Variants in SIPA1L3 observed in about 807,000 individuals in gnomAD.
SIPA1L3 encodes the protein signal induced proliferation associated 1 like 3, also known as signal-induced proliferation-associated 1-like protein 3.
A neutral mutation model predicts 150.1 loss-of-function variants in SIPA1L3; 59 were observed. The observed-to-expected ratio is 0.39, with a 90% CI of 0.32 to 0.49. The LOEUF (loss-of-function observed/expected upper bound fraction) is 0.49, where lower values mean the gene tolerates loss of function less well. Ranked by LOEUF, SIPA1L3 falls within the 20% of genes least tolerant of loss-of-function variation. The pLI, the probability that SIPA1L3 is intolerant of heterozygous loss-of-function variation, is 0.86. For missense variants in SIPA1L3, 2,211 were observed against 2,489.5 expected (o/e 0.89, Z 2.38); for synonymous variants, 1,070 against 1,077.6 (o/e 0.99, Z 0.14).
intron 4 of SIPA1L3, among the ~76,000 whole-genome samples, chr19:38,093,600 G>A (rs1216535947): frequency 4.6e-5 from 7 of 152,184 alleles, no homozygotes; most frequent in Admixed American, 2.0e-4. Context: ...TTGAGCTCAC[G>A]GATGGGGTTC....
chr19:38,028,768 T>C (rs151173599), intron 1 of SIPA1L3, among the ~76,000 whole-genome samples: 1,626 of 151,130 alleles, frequency 0.011, 30 homozygotes, highest in African/African-American at 0.038. Context: ...TCTTGGCTCA[T>C]TGCAACCTCC....
At chr19:38,028,411 C>G (rs954176796) in intron 1 of SIPA1L3, among the ~76,000 whole-genome samples, 1 of 152,142 alleles carries the variant, frequency 6.6e-6, no homozygotes, top group Non-Finnish European at 1.5e-5. Context: ...CTGGAAGGCT[C>G]TTTCCCAGGT....
At chr19:38,080,545 A>G (rs986282778) in intron 2 of SIPA1L3, among the ~76,000 whole-genome samples, 6 of 152,230 alleles carry the variant, frequency 3.9e-5, no homozygotes, top group Non-Finnish European at 5.9e-5. Context: ...GGGAAATGTA[A>G]TGCAGGCAGG....
chr19:38,184,172 C>T (rs937569351), intron 16 of SIPA1L3, among the ~76,000 whole-genome samples: 19 of 151,960 alleles, frequency 1.3e-4, no homozygotes. Context: ...ACCTGTCCTC[C>T]CCCCACCCCA....
intron 2 of SIPA1L3, among the ~76,000 whole-genome samples, chr19:38,078,174 T>C (rs1969889305): frequency 6.6e-6 from 1 of 152,078 alleles, no homozygotes; most frequent in Non-Finnish European, 1.5e-5. Context: ...TCCAGCTTCC[T>C]CTCTCTTCTG....
At chr19:38,028,284 G>A (rs1447865528) in intron 1 of SIPA1L3, among the ~76,000 whole-genome samples, 1 of 152,188 alleles carries the variant, frequency 6.6e-6, no homozygotes, top group African/African-American at 2.4e-5. Flanking sequence ...CTGAGGAAAT[G>A]TCCTTAGAAT....
intron 16 of SIPA1L3, chr19:38,185,046 A>C (rs1972647193): frequency 6.6e-6 from 1 of 152,416 alleles, no homozygotes; most frequent in South Asian, 2.1e-4. Flanking sequence ...GGGCCTTTGC[A>C]CTGGCTCTCA....
chr19:38,027,329 C>T (rs1456935767), intron 1 of SIPA1L3, among the ~76,000 whole-genome samples: 2 of 152,102 alleles, frequency 1.3e-5, no homozygotes, highest in African/African-American at 4.8e-5. Context: ...AACTAATTCA[C>T]CAGGTTGCCA....
chr19:38,082,707 T>TGGCCTCCCTCAC lies in SIPA1L3; in HGVS notation c.1149_1160dup (p.Leu384_Ser387dup), dbSNP rs756169945. The TGGCCTCCCTCAC allele has an allele frequency of 3.9e-5, 63 of 1,610,534 alleles. No homozygotes were observed. In the South Asian group the frequency reaches 6.4e-4, roughly 16 times the overall value. ...TCGGCCGCTTCCGCCGCCTCGGCCATGGCCTCCCTCACGGCCTCGCGGGCC... is the reference window on the plus strand; with the variant it reads ...TCGGCCGCTTCCGCCGCCTCGGCCATGGCCTCCCTCACGGCCTCCCTCACGGCCTCGCGGGCC... On this transcript the variant is annotated inframe_insertion, in exon 3 of 22. Coordinates refer to ENST00000222345, the MANE Select transcript of SIPA1L3 (RefSeq NM_015073.3).
At chr19:38,172,599 G>A (rs1030631888) in intron 15 of SIPA1L3, among the ~76,000 whole-genome samples, 2 of 152,120 alleles carry the variant, frequency 1.3e-5, no homozygotes, top group African/African-American at 4.8e-5. Context: ...AGACCCTGAG[G>A]GTGAACTTAC....
chr19:38,149,341 C>T (rs959345188), intron 12 of SIPA1L3, among the ~76,000 whole-genome samples: 1 of 152,028 alleles, frequency 6.6e-6, no homozygotes, highest in African/African-American at 2.4e-5. Flanking sequence ...AAGTTCGCGT[C>T]ACTGCTGCAC....
intron 18 of SIPA1L3, 51 bp downstream of exon 18, chr19:38,193,831 G>A: frequency 6.7e-7 from 1 of 1,484,162 alleles, no homozygotes; most frequent in Non-Finnish European, 8.9e-7. Context: ...AAGGTTGGGA[G>A]GTGGGGATGC....
At chr19:38,162,155 T>C in intron 13 of SIPA1L3, 98 bp from the exon 14 acceptor site, 1 of 853,166 alleles carries the variant, frequency 1.2e-6, no homozygotes, top group East Asian at 2.4e-5. Context: ...GATGGGGTCA[T>C]GCCGTGGGTG....
chr19:37,962,578 C>G (rs1244682755), intron 1 of SIPA1L3, among the ~76,000 whole-genome samples: 1 of 146,434 alleles, frequency 6.8e-6, no homozygotes, highest in Non-Finnish European at 1.5e-5. Context: ...AAATGATTCT[C>G]TTGCCTCAGC....
At chr19:38,139,400 A>G (rs1971520387) in intron 10 of SIPA1L3, among the ~76,000 whole-genome samples, 2 of 152,016 alleles carry the variant, frequency 1.3e-5, no homozygotes, top group African/African-American at 2.4e-5. Context: ...TTATCAGGAG[A>G]GGGGGTGTGG....
In SIPA1L3 at chr19:38,119,537, C is replaced by G. The variant is rs368371284; in HGVS notation, c.2523C>G (p.Thr841=). 8.7e-6 allele frequency: 14 copies of G among 1,614,178 alleles called. No individual in the cohort carries two copies. Among genetic ancestry groups the G allele is most frequent in the Non-Finnish European group, 1.2e-5 (14 of 1,180,038 alleles). Residue 841 remains threonine, a synonymous_variant, in exon 9 of 22, where the codon ACC becomes ACG. Coordinates refer to ENST00000222345, the MANE Select transcript of SIPA1L3 (RefSeq NM_015073.3). ...NCVSNTPIDS[T]GKFNLISLTS... ...TCTCCAACACCCCCATCGACTCCACCGGCAAATTCAACCTCATCTCCCTGA... is the reference window on the plus strand; with the variant it reads ...TCTCCAACACCCCCATCGACTCCACGGGCAAATTCAACCTCATCTCCCTGA...
rs1482166613 is a variant in SIPA1L3 at position 38,124,411 on chromosome 19, G to A, written c.2868+4529G>A. Reference sequence around the variant, plus strand: ...CCCACATCTCAGACGATGGGCGGCCGGGCAGAGACGTTCCTCACTTCCTAG... The same window carrying A: ...CCCACATCTCAGACGATGGGCGGCCAGGCAGAGACGTTCCTCACTTCCTAG... On this transcript the variant is annotated intron_variant, in intron 9 of 21. Coordinates refer to ENST00000222345, the MANE Select transcript of SIPA1L3 (RefSeq NM_015073.3). Among the ~76,000 whole-genome samples the A allele has an allele frequency of 8.7e-5, 13 of 150,220 alleles. No homozygotes were observed. The South Asian group carries it at 1.3e-3, about 15-fold the overall frequency.
chr19:38,090,820 G>A (rs981745696), intron 4 of SIPA1L3, among the ~76,000 whole-genome samples: 1 of 152,138 alleles, frequency 6.6e-6, no homozygotes, highest in Non-Finnish European at 1.5e-5. Flanking sequence ...GAGTGCCCTC[G>A]CCCCATCCCC....
chr19:38,008,207 C>T (rs1968007147), intron 1 of SIPA1L3, among the ~76,000 whole-genome samples: 1 of 143,964 alleles, frequency 6.9e-6, no homozygotes, highest in Non-Finnish European at 1.5e-5. Context: ...TGAGAAATCA[C>T]CATAGGCTGC....
Sources: allele counts gnomAD v4.1 joint callset (sites outside exome capture counted in the v4.1 genomes callset), GRCh38; gene constraint gnomAD v4.1.1; transcripts MANE v1.5; gene names NCBI Gene and HGNC (gene_info 2026-07-23, HGNC 2026-07-21).